The following ACTR3 variants were observed in gnomAD, a reference collection of about 807,000 sequenced individuals.
The protein encoded by ACTR3 is actin-related protein 3.
In ACTR3, 12 loss-of-function variants were observed where a neutral mutation model predicts 56.8. That is an observed-to-expected ratio of 0.21 (90% confidence interval 0.14 to 0.34). ACTR3 has a LOEUF of 0.34. Among genes scored for constraint, ACTR3 ranks in the 10% least tolerant of loss-of-function variants. The pLI is 1.00. For missense variants in ACTR3, 282 were observed against 512.5 expected (o/e 0.55, Z 4.34); for synonymous variants, 162 against 167.4 (o/e 0.97, Z 0.25).
At chr2:113,934,131 T>C (rs1679776865) in intron 5 of ACTR3, 148 bp from the exon 6 acceptor site, 3 of 595,454 alleles carry the variant, frequency 5.0e-6, no homozygotes, top group Admixed American at 3.5e-5. Context: ...TAATACAAAA[T>C]TAATTTTATG....
At chr2:113,929,056 C>T (rs543328448) in intron 4 of ACTR3, among the ~76,000 whole-genome samples, 2 of 151,612 alleles carry the variant, frequency 1.3e-5, no homozygotes, top group African/African-American at 2.4e-5. Context: ...CTTTTTGTTG[C>T]TGGGTAGTAT....
intron 6 of ACTR3, among the ~76,000 whole-genome samples, chr2:113,938,163 A>C (rs984531238): frequency 6.6e-6 from 1 of 151,394 alleles, no homozygotes; most frequent in Non-Finnish European, 1.5e-5. Flanking sequence ...TAAATTTTAG[A>C]TACTGTATTT....
Position 113,951,861 on chromosome 2 carries a change from T to C in ACTR3, c.1077+16T>C. On this transcript the variant is annotated intron_variant, in intron 10 of 11. Coordinates refer to ENST00000263238, the MANE Select transcript of ACTR3 (RefSeq NM_005721.5). ...TAGATTGAAGGTTGGTTTTCCCAAT[T>C]ATTGGTGAGAAGGTTGAGGGTGCCT... is the stretch of plus-strand genomic sequence containing the variant. 1 of 1,612,612 alleles carries C rather than the reference T, an allele frequency of 6.2e-7. No homozygotes were observed. Among genetic ancestry groups the C allele is most frequent in the Non-Finnish European group, 8.5e-7 (1 of 1,178,900 alleles).
intron 3 of ACTR3, among the ~76,000 whole-genome samples, chr2:113,924,817 C>T (rs771408972): frequency 7.2e-5 from 11 of 152,120 alleles, no homozygotes; most frequent in Admixed American, 4.6e-4. Context: ...AGTTAAGACC[C>T]GGCTTAGATA....
chr2:113,930,525 A>G (rs994587626), intron 4 of ACTR3, among the ~76,000 whole-genome samples: 34 of 152,274 alleles, frequency 2.2e-4, no homozygotes, highest in African/African-American at 7.7e-4. Flanking sequence ...ACATTTAAGT[A>G]TTTGAGATAC....
chr2:113,935,455 A>G lies in ACTR3; in HGVS notation c.540+1069A>G, dbSNP rs76156148. 0.024 allele frequency among the ~76,000 whole-genome samples: 3,685 copies of G among 152,308 alleles called. 220 individuals carry two copies. The East Asian group carries it at 0.26, about 11-fold the overall frequency. On this transcript the variant is annotated intron_variant, in intron 6 of 11. Coordinates refer to ENST00000263238, the MANE Select transcript of ACTR3 (RefSeq NM_005721.5). ...TGGCCATTTTATGTAAATGGAGTTA[A>G]ACACTGTGGTCTTTTGTAACTGGGT...
At chr2:113,909,142 T>C (rs1679256373) in intron 1 of ACTR3, among the ~76,000 whole-genome samples, 1 of 152,198 alleles carries the variant, frequency 6.6e-6, no homozygotes, top group African/African-American at 2.4e-5. Context: ...ATGTAGTAGA[T>C]TATTTTGCTG....
intron 3 of ACTR3, among the ~76,000 whole-genome samples, chr2:113,920,554 T>C (rs890721064): frequency 2.6e-5 from 4 of 152,218 alleles, no homozygotes; most frequent in African/African-American, 9.6e-5. Context: ...TTAACTGTAG[T>C]CATCATATAG....
intron 2 of ACTR3, among the ~76,000 whole-genome samples, chr2:113,914,653 T>TA (rs1679371377): frequency 6.9e-6 from 1 of 144,168 alleles, no homozygotes; most frequent in Non-Finnish European, 1.5e-5. Flanking sequence ...AGAAAAGAAA[T>TA]ACACTTTCAA....
chr2:113,905,785 A>G (rs1213960301), intron 1 of ACTR3, among the ~76,000 whole-genome samples: 1 of 152,180 alleles, frequency 6.6e-6, no homozygotes, highest in African/African-American at 2.4e-5. Flanking sequence ...TATTTTACTT[A>G]TAATGTATTC....
At chr2:113,920,482 A>AT (rs1037484958) in intron 3 of ACTR3, among the ~76,000 whole-genome samples, 1 of 152,204 alleles carries the variant, frequency 6.6e-6, no homozygotes, top group African/African-American at 2.4e-5. Flanking sequence ...TCAAACACTT[A>AT]TTTTTTTGTG....
rs1442452206 is a variant in ACTR3, at chr2:113,958,413, C to T, written c.*958C>T. On this transcript the variant is annotated 3_prime_UTR_variant, in exon 12 of 12. Coordinates refer to ENST00000263238, the MANE Select transcript of ACTR3 (RefSeq NM_005721.5). ...TTGTGAACTTTTAATATGTTGAGTG[C>T]TTTCATTTTGATAACTGGATCTCCA... The T allele has an allele frequency of 6.6e-6, 1 of 152,448 alleles. No homozygotes were observed. The highest frequency in any genetic ancestry group is 1.9e-4 in the East Asian group (1 of 5,196). 9.4% of individuals were successfully genotyped at this position (152,448 alleles called of 1,614,324 possible). A position where few individuals can be genotyped will look rare whatever the true frequency, so the allele number is the denominator to read the frequency against.
chr2:113,891,474 A>G (rs1678893451), intron 1 of ACTR3, among the ~76,000 whole-genome samples: 1 of 151,798 alleles, frequency 6.6e-6, no homozygotes. Context: ...GACTACCCTT[A>G]TTTTTATGTA....
rs187752057 is a variant in ACTR3 at position 113,942,453 on chromosome 2, G to A, written c.858+94G>A. 272 of 793,108 alleles carry A rather than the reference G, an allele frequency of 3.4e-4. 1 individual carries two copies. The African/African-American group carries it at 4.7e-3, about 14-fold the overall frequency. 49.1% of individuals were successfully genotyped at this position (793,108 alleles called of 1,614,324 possible). ...GAATTAATCTCAGAAACTTTTATTA[G>A]TACACTAAAAGTTTGAGTTTTTATG... On this transcript the variant is annotated intron_variant, in intron 8 of 11. Transcript: ENST00000263238.
chr2:113,913,408 GT>G (rs902617470), intron 2 of ACTR3, among the ~76,000 whole-genome samples, 181 bp downstream of exon 2: 12 of 151,968 alleles, frequency 7.9e-5, no homozygotes, highest in African/African-American at 2.9e-4. Flanking sequence ...TCAGCTTTAT[GT>G]TTAGCTCCCC....
chr2:113,913,286 T>C, intron 2 of ACTR3, 59 bp downstream of exon 2: 2 of 1,267,432 alleles, frequency 1.6e-6, no homozygotes, highest in Non-Finnish European at 2.2e-6. Context: ...TCCCTAATAA[T>C]TTAAGTAAAA....
intron 2 of ACTR3, among the ~76,000 whole-genome samples, chr2:113,915,717 C>T (rs1204903961): frequency 2.6e-5 from 4 of 152,192 alleles, no homozygotes; most frequent in Admixed American, 1.3e-4. Context: ...CATTGGATCT[C>T]ATCACTATTG....
chr2:113,933,136 A>G (rs533238197), intron 5 of ACTR3, among the ~76,000 whole-genome samples: 1 of 152,308 alleles, frequency 6.6e-6, no homozygotes, highest in South Asian at 2.1e-4. Context: ...TTGCTCCATA[A>G]TTAAATCATA....
intron 8 of ACTR3, among the ~76,000 whole-genome samples, chr2:113,943,997 T>C (rs1029309267): frequency 6.6e-6 from 1 of 151,914 alleles, no homozygotes; most frequent in Non-Finnish European, 1.5e-5. Context: ...GACAGAGAGG[T>C]AGAAGCCAAG....
Sources: gnomAD v4.1 joint callset for allele counts (sites outside exome capture counted in the v4.1 genomes callset) on GRCh38, gnomAD v4.1.1 for gene constraint, MANE v1.5 for transcripts, NCBI Gene and HGNC (gene_info 2026-07-23, HGNC 2026-07-21) for gene names.